The following SHISA4 variants were observed in gnomAD, a reference collection of about 807,000 sequenced individuals.
SHISA4 encodes the protein protein shisa-4.
A neutral mutation model predicts 24.2 loss-of-function variants in SHISA4; 16 were observed. That is an observed-to-expected ratio of 0.66 (90% CI 0.45 to 1.00). SHISA4 has a LOEUF of 1.00. Ranked by LOEUF, SHISA4 falls within the 50% of genes least tolerant of loss-of-function variation. The pLI is 0.00. For missense variants in SHISA4, 238 were observed against 258.9 expected (o/e 0.92, Z 0.55); for synonymous variants, 106 against 105.4 (o/e 1.01, Z -0.04).
At position 201,892,160 on chromosome 1, in the gene SHISA4, A is replaced by T; in HGVS notation, c.*314A>T. 1.5e-5 allele frequency: 4 copies of T among 263,134 alleles called. No homozygotes were observed. The highest frequency in any genetic ancestry group is 2.9e-5 in the African/African-American group (1 of 34,102). 16.3% of individuals were successfully genotyped at this position (263,134 alleles called of 1,614,324 possible). A position where few individuals can be genotyped will look rare whatever the true frequency, so the allele number is the denominator to read the frequency against. ...TCTGCTCCCAAGATCCCAGCCAGGAAGGCTGGGGCCCTACTGTTTGTCCCC... is the reference window on the plus strand; with the variant it reads ...TCTGCTCCCAAGATCCCAGCCAGGATGGCTGGGGCCCTACTGTTTGTCCCC... On this transcript the variant is annotated 3_prime_UTR_variant, in exon 5 of 5. Transcript: ENST00000362011.
In SHISA4 at chr1:201,890,529, C is replaced by G; in HGVS notation, c.321C>G (p.Phe107Leu). The G allele has an allele frequency of 5.0e-6, 8 of 1,614,254 alleles. No homozygotes were observed. Among genetic ancestry groups the G allele is most frequent in the Non-Finnish European group, 5.1e-6 (6 of 1,180,052 alleles). ...TGGTTGCCACCACCATCTGCTGCTT[C>G]CTCTGTTCCTGTTGCTACCTGTACC... ...VAVVATTICC[F>L]LCSCCYLYRR... Residue 107 changes from phenylalanine to leucine, a missense_variant, in exon 3 of 5, where the codon TTC becomes TTG. Physicochemically the swap from Phe to Leu is conservative, Grantham distance 22 (BLOSUM62 0). Coordinates refer to ENST00000362011, the MANE Select transcript of SHISA4 (RefSeq NM_198149.3).
In SHISA4 at chr1:201,889,087, T is replaced by C. The variant is rs1341768558; in HGVS notation, c.73+20T>C. 3.6e-5 allele frequency: 51 copies of C among 1,397,318 alleles called. No individual in the cohort carries two copies. The South Asian group carries it at 8.3e-4, about 23-fold the overall frequency. The allele number at this position is 1,397,318 out of a possible 1,614,324, so 86.6% of individuals were successfully genotyped here. ...CCCTGGGTAAGGGGATGGGGAGAGA[T>C]GCGGCAGGAGTGGGATGGGGGCGGA... On this transcript the variant is annotated intron_variant, in intron 1 of 4. Coordinates refer to ENST00000362011, the MANE Select transcript of SHISA4 (RefSeq NM_198149.3).
intron 3 of SHISA4, 82 bp from the exon 4 acceptor site, chr1:201,891,319 C>A: frequency 6.4e-7 from 1 of 1,554,182 alleles, no homozygotes; most frequent in Non-Finnish European, 8.9e-7. Flanking sequence ...CACCAGGGTG[C>A]TTACCTTGGT....
At position 201,891,926 on chromosome 1, in the gene SHISA4, T is replaced by C. The variant is rs920962669; in HGVS notation, c.*80T>C. ...CTCATCCTGTACCTGCATCTGGTCC[T>C]GGGGGTGGCAGGAGTCCTCCAGCCA... On this transcript the variant is annotated 3_prime_UTR_variant, in exon 5 of 5. Coordinates refer to ENST00000362011, the MANE Select transcript of SHISA4 (RefSeq NM_198149.3). 9.6e-6 allele frequency: 15 copies of C among 1,559,526 alleles called. No individual in the cohort carries two copies. Among genetic ancestry groups the C allele is most frequent in the Admixed American group, 8.4e-5 (5 of 59,870 alleles).
chr1:201,890,524 T>C lies in SHISA4; in HGVS notation c.316T>C (p.Cys106Arg), dbSNP rs1340521271. 6.2e-7 allele frequency: 1 copy of C among 1,614,234 alleles called. No homozygotes were observed. Among genetic ancestry groups the C allele is most frequent in the Admixed American group, 1.7e-5 (1 of 60,020 alleles). ...FVAVVATTIC[C>R]FLCSCCYLYR... The stretch of plus-strand genomic sequence containing the variant: ...TGCTGTGGTTGCCACCACCATCTGC[T>C]GCTTCCTCTGTTCCTGTTGCTACCT... Residue 106 changes from cysteine (C) to arginine (R), a missense_variant, in exon 3 of 5, where the codon TGC becomes CGC. Cys to Arg is a radical substitution (Grantham distance 180). Transcript: ENST00000362011.
intron 1 of SHISA4, 139 bp from the exon 2 acceptor site, chr1:201,889,306 G>A: frequency 8.1e-7 from 1 of 1,239,020 alleles, no homozygotes; most frequent in Non-Finnish European, 1.1e-6. Flanking sequence ...CTGGGGCTGA[G>A]ACCCTCAGGG....
intron 1 of SHISA4, 125 bp downstream of exon 1, chr1:201,889,192 T>C: frequency 2.9e-6 from 3 of 1,023,286 alleles, no homozygotes; most frequent in Non-Finnish European, 4.2e-6. Context: ...GCCTTGGGTG[T>C]TGCTGGGTCC....
In SHISA4 at chr1:201,889,944, A is replaced by G. The variant is rs373647946; in HGVS notation, c.245+328A>G. Among the ~76,000 whole-genome samples, 23 of 152,286 alleles carry G rather than the reference A, an allele frequency of 1.5e-4. No homozygotes were observed. In the South Asian group the frequency reaches 4.8e-3, roughly 32 times the overall value. ...CCGGACGACAGTGTAGCTTTGTGGA[A>G]GAAGCTCTGGCACAAAGGCAGGAGA... is the stretch of plus-strand genomic sequence containing the variant. On this transcript the variant is annotated intron_variant, in intron 2 of 4. Transcript: ENST00000362011.
At chr1:201,890,399 G>T in intron 2 of SHISA4, 55 bp from the exon 3 acceptor site, 1 of 1,592,778 alleles carries the variant, frequency 6.3e-7, no homozygotes. Context: ...CCAGCATAAT[G>T]AGGACTCCGT....
In SHISA4 at chr1:201,890,604, G is replaced by T; in HGVS notation, c.379+17G>T. The T allele has an allele frequency of 6.2e-7, 1 of 1,613,246 alleles. No individual in the cohort carries two copies. Among genetic ancestry groups the T allele is most frequent in the Non-Finnish European group, 8.5e-7 (1 of 1,179,700 alleles). Reference sequence around the variant, plus strand: ...CATTTGAAGGTACACCCAGTACTGGGCAAGAAGGGCCTCAGATGGGCTGGG... The same window carrying T: ...CATTTGAAGGTACACCCAGTACTGGTCAAGAAGGGCCTCAGATGGGCTGGG... On this transcript the variant is annotated intron_variant, in intron 3 of 4. Coordinates refer to ENST00000362011, the MANE Select transcript of SHISA4 (RefSeq NM_198149.3).
chr1:201,892,495 A>G lies in SHISA4; in HGVS notation c.*649A>G, dbSNP rs1423142300. ...GTTCCTGGCTTCCTAAAGGCTTCCT[A>G]AAGACAATGAGGTGAATTTTGCCAC... On this transcript the variant is annotated 3_prime_UTR_variant, in exon 5 of 5. Coordinates refer to ENST00000362011, the MANE Select transcript of SHISA4 (RefSeq NM_198149.3). Among the ~76,000 whole-genome samples, 2 of 152,042 alleles carry G rather than the reference A, an allele frequency of 1.3e-5. No homozygotes were observed. Among genetic ancestry groups the G allele is most frequent in the Non-Finnish European group, 2.9e-5 (2 of 68,018 alleles).
intron 4 of SHISA4, 79 bp from the exon 5 acceptor site, chr1:201,891,721 G>C (rs755906585): frequency 1.8e-4 from 287 of 1,574,858 alleles, no homozygotes; most frequent in Non-Finnish European, 2.3e-4. Flanking sequence ...TATGGGTCCT[G>C]TCTGCCCCGG....
intron 1 of SHISA4, 152 bp downstream of exon 1, chr1:201,889,219 G>A: frequency 1.1e-6 from 1 of 929,520 alleles, no homozygotes; most frequent in South Asian, 1.8e-5. Flanking sequence ...AGCGGGAAGA[G>A]GGAGCTCCAG....
At chr1:201,890,342 C>A (rs1681070075) in intron 2 of SHISA4, 112 bp from the exon 3 acceptor site, 10 of 1,435,548 alleles carry the variant, frequency 7.0e-6, no homozygotes, top group South Asian at 6.7e-5. Flanking sequence ...CACAAGGAAC[C>A]CCAAATCTCA....
rs561277833 is a variant in SHISA4 at position 201,892,186 on chromosome 1, T to C, written c.*340T>C. ...GGCTGGGGCCCTACTGTTTGTCCCC[T>C]CTGGGCTGGGGTGGGGGGAGGGAGG... On this transcript the variant is annotated 3_prime_UTR_variant, in exon 5 of 5. Transcript: ENST00000362011. The C allele has an allele frequency of 9.9e-6, 2 of 202,552 alleles. No homozygotes were observed. The highest frequency in any genetic ancestry group is 3.1e-5 in the African/African-American group (1 of 32,712). The allele number at this position is 202,552 out of a possible 1,614,324, so 12.5% of individuals were successfully genotyped here.
At position 201,892,100 on chromosome 1, in the gene SHISA4, A is replaced by C. The variant is rs1330096335; in HGVS notation, c.*254A>C. The C allele has an allele frequency of 4.0e-6, 2 of 498,232 alleles. No homozygotes were observed. Among genetic ancestry groups the C allele is most frequent in the East Asian group, 7.2e-5 (2 of 27,672 alleles). The allele number at this position is 498,232 out of a possible 1,614,324, so 30.9% of individuals were successfully genotyped here. ...ACTGGGGGCAAGGGAGGGAGATGACAGCCTGGGTCACAGTGCCTGTTTTCA... is the reference window on the plus strand; with the variant it reads ...ACTGGGGGCAAGGGAGGGAGATGACCGCCTGGGTCACAGTGCCTGTTTTCA... On this transcript the variant is annotated 3_prime_UTR_variant, in exon 5 of 5. Coordinates refer to ENST00000362011, the MANE Select transcript of SHISA4 (RefSeq NM_198149.3).
rs200408197 is a variant in SHISA4, at chr1:201,890,561, G to A, written c.353G>A (p.Arg118His). ...LCSCCYLYRR[R>H]QQLQSPFEGQ... ...TCCTGTTGCTACCTGTACCGCCGGC[G>A]CCAGCAGCTCCAGAGCCCATTTGAA... is the stretch of plus-strand genomic sequence containing the variant. Residue 118 changes from arginine (R) to histidine (H), a missense_variant, in exon 3 of 5, where the codon CGC (arginine) becomes CAC (histidine). Arg to His is a conservative substitution (Grantham distance 29). Coordinates refer to ENST00000362011, the MANE Select transcript of SHISA4 (RefSeq NM_198149.3). 1.3e-5 allele frequency: 21 copies of A among 1,614,196 alleles called. No individual in the cohort carries two copies. Among genetic ancestry groups the A allele is most frequent in the Admixed American group, 3.3e-5 (2 of 60,020 alleles).
chr1:201,889,389 C>G, intron 1 of SHISA4, 56 bp from the exon 2 acceptor site: 1 of 1,597,880 alleles, frequency 6.3e-7, no homozygotes, highest in South Asian at 1.1e-5. Context: ...GGGCCGAGCG[C>G]GGCTGGGGAT....
chr1:201,889,297 T>C, intron 1 of SHISA4, 148 bp from the exon 2 acceptor site: 1 of 1,171,370 alleles, frequency 8.5e-7, no homozygotes, highest in Non-Finnish European at 1.2e-6. Flanking sequence ...TCGGGGGCTC[T>C]GGGGCTGAGA....
Sources: allele counts gnomAD v4.1 joint callset (sites outside exome capture counted in the v4.1 genomes callset), GRCh38; gene constraint gnomAD v4.1.1; transcripts MANE v1.5; gene names NCBI Gene and HGNC (gene_info 2026-07-23, HGNC 2026-07-21).